BRD7: variants seen among roughly 807,000 people sequenced by gnomAD.
BRD7 encodes the protein bromodomain-containing protein 7.
A neutral mutation model predicts 82.1 loss-of-function variants in BRD7; 15 were observed. The ratio of observed to expected loss-of-function variants is 0.18; its 90% CI spans 0.12 to 0.28. The LOEUF is 0.28. Among genes scored for constraint, BRD7 ranks in the 10% least tolerant of loss-of-function variants. The pLI is 1.00. For missense variants in BRD7, 638 were observed against 779.9 expected (o/e 0.82, Z 2.17); for synonymous variants, 232 against 266.9 (o/e 0.87, Z 1.27).
chr16:50,323,892 A>T (rs2037223557), intron 11 of BRD7, among the ~76,000 whole-genome samples, 194 bp from the exon 12 acceptor site: 1 of 152,214 alleles, frequency 6.6e-6, no homozygotes, highest in Admixed American at 6.5e-5. Flanking sequence ...CACAGTAAAA[A>T]TAAAACGTTC....
At chr16:50,352,331 A>G (rs1034520817) in intron 4 of BRD7, among the ~76,000 whole-genome samples, 4 of 152,240 alleles carry the variant, frequency 2.6e-5, no homozygotes, top group Non-Finnish European at 5.9e-5. Flanking sequence ...CTTATTTAAC[A>G]TGATGTCCTC....
rs1383041945 is a variant in BRD7, at chr16:50,319,105, T to TTTAA, written c.*102_*105dup. ...AACATCCAAATTCGCTGTTCCAAAG[T>TTTAA]TTAATTAAAAACACAATTTACAAAT... On this transcript the variant is annotated 3_prime_UTR_variant, in exon 17 of 17. Coordinates refer to ENST00000394688, the MANE Select transcript of BRD7 (RefSeq NM_013263.5). The TTTAA allele has an allele frequency of 2.0e-5, 23 of 1,166,896 alleles. No individual in the cohort carries two copies. The highest frequency in any genetic ancestry group is 1.5e-5 in the South Asian group (1 of 67,262). 72.3% of individuals were successfully genotyped at this position (1,166,896 alleles called of 1,614,324 possible).
At chr16:50,338,238 T>C (rs981399838) in intron 6 of BRD7, among the ~76,000 whole-genome samples, 2 of 152,374 alleles carry the variant, frequency 1.3e-5, no homozygotes, top group East Asian at 3.9e-4. Context: ...AAACATTTCA[T>C]ATTCCTCTTT....
intron 12 of BRD7, among the ~76,000 whole-genome samples, chr16:50,322,445 C>G (rs1161248710): frequency 6.6e-6 from 1 of 152,158 alleles, no homozygotes; most frequent in African/African-American, 2.4e-5. Context: ...TAATCAAATG[C>G]TACAGAGAAT....
Position 50,368,913 on chromosome 16 carries a change from CG to C in BRD7, c.-140del. The stretch of plus-strand genomic sequence containing the variant: ...CGCGAGGCAGGGGGGCGGCGCGCGC[CG>C]GGCGGCGCGATGCCCCTCTCGAGAA... On this transcript the variant is annotated 5_prime_UTR_variant, in exon 1 of 17. Transcript: ENST00000394688. 1 of 343,604 alleles carries C rather than the reference CG, an allele frequency of 2.9e-6. No individual in the cohort carries two copies. The highest frequency in any genetic ancestry group is 4.1e-6 in the Non-Finnish European group (1 of 245,784). The allele number at this position is 343,604 out of a possible 1,614,324, so 21.3% of individuals were successfully genotyped here. A position where few individuals can be genotyped will look rare whatever the true frequency, so the allele number is the denominator to read the frequency against.
chr16:50,322,670 A>C (rs1296303940), intron 12 of BRD7, among the ~76,000 whole-genome samples: 1 of 152,242 alleles, frequency 6.6e-6, no homozygotes, highest in African/African-American at 2.4e-5. Context: ...TGCTATATTG[A>C]AGGACAAAGA....
chr16:50,318,763 T>C lies in BRD7; in HGVS notation c.*448A>G, dbSNP rs1250105727. ...TGACAGTGCTATAAAACTCCCAGTG[T>C]GCTTTTGTCAGGGGTGGGTGGGAGG... On this transcript the variant is annotated 3_prime_UTR_variant, in exon 17 of 17. Coordinates refer to ENST00000394688, the MANE Select transcript of BRD7 (RefSeq NM_013263.5). The C allele has an allele frequency of 6.5e-6, 1 of 154,838 alleles. No homozygotes were observed. 9.6% of individuals were successfully genotyped at this position (154,838 alleles called of 1,614,324 possible).
At chr16:50,348,673 C>G (rs1445846444) in intron 5 of BRD7, among the ~76,000 whole-genome samples, 1 of 152,164 alleles carries the variant, frequency 6.6e-6, no homozygotes, top group Non-Finnish European at 1.5e-5. Context: ...TCATCACTGG[C>G]AGTCGGAGAA....
At chr16:50,363,677 G>A (rs1031728949) in intron 2 of BRD7, among the ~76,000 whole-genome samples, 6 of 63,756 alleles carry the variant, frequency 9.4e-5, no homozygotes, top group African/African-American at 2.0e-4. Context: ...GCGCGCGTGC[G>A]CGTGTGCTTC....
chr16:50,326,293 C>T lies in BRD7; in HGVS notation c.1186G>A (p.Val396Ile), dbSNP rs114435956. The T allele has an allele frequency of 1.2e-5, 20 of 1,613,008 alleles. No homozygotes were observed. The East Asian group carries it at 4.5e-4, about 36-fold the overall frequency. Reference protein sequence around the residue: ...QGFKEDKRNKVTPVLYLNYGP... With the variant: ...QGFKEDKRNKITPVLYLNYGP... ...TATGCAGGAGCCTCACCTGGAGTGA[C>T]TTTGTTCCTTTTATCCTCTTTGAAC... is the stretch of plus-strand genomic sequence containing the variant. Residue 396 changes from valine to isoleucine, a missense_variant, in exon 10 of 17, where the codon GTC becomes ATC. Val to Ile is a conservative substitution (Grantham distance 29). Coordinates refer to ENST00000394688, the MANE Select transcript of BRD7 (RefSeq NM_013263.5).
rs2037016804 is a variant in BRD7, at chr16:50,319,965, T to C, written c.1822A>G (p.Thr608Ala). ...CCCATTGCTTTTCGAACTCCATACG[T>C]GCTTACGATATCACCTGGAGTTACT... ...QQVTPGDIVS[T>A]YGVRKAMGIS... Residue 608 changes from threonine (T) to alanine (A), a missense_variant, in exon 16 of 17, where the codon ACG (threonine) becomes GCG (alanine). By Grantham distance (58) the Thr-to-Ala change is moderately conservative. Coordinates refer to ENST00000394688, the MANE Select transcript of BRD7 (RefSeq NM_013263.5). 6.2e-7 allele frequency: 1 copy of C among 1,613,354 alleles called. No individual in the cohort carries two copies. Among genetic ancestry groups the C allele is most frequent in the Non-Finnish European group, 8.5e-7 (1 of 1,180,002 alleles).
At chr16:50,350,768 C>T (rs117613591) in intron 4 of BRD7, among the ~76,000 whole-genome samples, 6 of 152,278 alleles carry the variant, frequency 3.9e-5, no homozygotes, top group Non-Finnish European at 8.8e-5. Flanking sequence ...AATTTGAAAA[C>T]TAGTGCTTTT....
In BRD7 at chr16:50,318,247, G is replaced by A. The variant is rs974290293; in HGVS notation, c.*964C>T. 7 of 152,248 alleles carry A rather than the reference G, an allele frequency of 4.6e-5. No individual in the cohort carries two copies. Among genetic ancestry groups the A allele is most frequent in the Middle Eastern group, 3.4e-3 (1 of 294 alleles). 9.4% of individuals were successfully genotyped at this position (152,248 alleles called of 1,614,324 possible). A position where few individuals can be genotyped will look rare whatever the true frequency, so the allele number is the denominator to read the frequency against. On this transcript the variant is annotated 3_prime_UTR_variant, in exon 17 of 17. Coordinates refer to ENST00000394688, the MANE Select transcript of BRD7 (RefSeq NM_013263.5). ...TAGCATAAGATTTTAAGTCTTTTGAGGGAATTAATTTTCCTTTACCCTATT... is the reference window on the plus strand; with the variant it reads ...TAGCATAAGATTTTAAGTCTTTTGAAGGAATTAATTTTCCTTTACCCTATT...
rs116609067 is a variant in BRD7, at chr16:50,361,079, A to G, written c.259-6157T>C. Reference sequence around the variant, plus strand: ...TCATACTCTGTGGCTCAGTTAAATCAGCAGTACGAGATACTAACAGCACCT... The same window carrying G: ...TCATACTCTGTGGCTCAGTTAAATCGGCAGTACGAGATACTAACAGCACCT... On this transcript the variant is annotated intron_variant, in intron 2 of 16. Transcript: ENST00000394688. Among the ~76,000 whole-genome samples the G allele has an allele frequency of 3.2e-3, 488 of 152,346 alleles. 4 individuals carry two copies. The highest frequency in any genetic ancestry group is 0.011 in the African/African-American group (463 of 41,562).
intron 10 of BRD7, 111 bp from the exon 11 acceptor site, chr16:50,325,994 G>T: frequency 8.8e-7 from 1 of 1,134,170 alleles, no homozygotes. Context: ...TCATTGGCTG[G>T]TTTGCAAATC....
intron 6 of BRD7, among the ~76,000 whole-genome samples, chr16:50,335,440 C>T (rs950660551): frequency 1.3e-4 from 20 of 152,178 alleles, no homozygotes; most frequent in South Asian, 2.1e-4. Context: ...AGAATGGTTT[C>T]GCTAACCAAA....
At chr16:50,342,965 C>T (rs1029042708) in intron 5 of BRD7, among the ~76,000 whole-genome samples, 7 of 152,086 alleles carry the variant, frequency 4.6e-5, no homozygotes, top group African/African-American at 1.4e-4. Context: ...AAAACCTCAT[C>T]TATAATAGGT....
chr16:50,322,009 C>T lies in BRD7; in HGVS notation c.1473G>A (p.Arg491=). The change falls in exon 13 of 17, where the codon AGG becomes AGA. Residue 491 remains arginine, a synonymous_variant. Coordinates refer to ENST00000394688, the MANE Select transcript of BRD7 (RefSeq NM_013263.5). ...MSLPEDEGHT[R]TLDTAKEMEI... Reference sequence around the variant, plus strand: ...CCATTTCTTTTGCTGTGTCAAGTGTCCTAGTATGGCCTTCATCTTCAGGCA... The same window carrying T: ...CCATTTCTTTTGCTGTGTCAAGTGTTCTAGTATGGCCTTCATCTTCAGGCA... 6.2e-7 allele frequency: 1 copy of T among 1,611,020 alleles called. No homozygotes were observed. Among genetic ancestry groups the T allele is most frequent in the South Asian group, 1.1e-5 (1 of 90,234 alleles).
chr16:50,368,017 G>C (rs967028295), intron 2 of BRD7, 73 bp downstream of exon 2: 2 of 1,312,754 alleles, frequency 1.5e-6, no homozygotes, highest in Non-Finnish European at 2.2e-6. Context: ...CAGATACAAA[G>C]AAAATAAAAT....
Sources: allele counts gnomAD v4.1 joint callset (sites outside exome capture counted in the v4.1 genomes callset), GRCh38; gene constraint gnomAD v4.1.1; transcripts MANE v1.5; gene names NCBI Gene and HGNC (gene_info 2026-07-23, HGNC 2026-07-21).